CARHSP1: variants seen among roughly 807,000 people sequenced by gnomAD.
The protein encoded by CARHSP1 is calcium-regulated heat-stable protein 1.
In CARHSP1, 14 loss-of-function variants were observed where a neutral mutation model predicts 12.5. The ratio of observed to expected loss-of-function variants is 1.12; its 90% CI spans 0.74 to 1.75. CARHSP1 has a LOEUF of 1.75. Ranked by LOEUF, CARHSP1 falls within the 40% of genes most tolerant of loss-of-function variation. CARHSP1 has a pLI of 0.00. For missense variants in CARHSP1, 343 were observed against 201.6 expected (o/e 1.70, Z -4.25); for synonymous variants, 161 against 82.0 (o/e 1.96, Z -5.20).
chr16:8,860,186 G>A (rs1321875489), intron 1 of CARHSP1: 8 of 985,332 alleles, frequency 8.1e-6, no homozygotes, highest in Non-Finnish European at 8.4e-6. Flanking sequence ...CTGAGCAGCT[G>A]TCACAAGCCT....
chr16:8,862,017 T>TTA (rs869072327), intron 1 of CARHSP1, among the ~76,000 whole-genome samples: 3 of 122,352 alleles, frequency 2.5e-5, no homozygotes, highest in Non-Finnish European at 5.0e-5. Context: ...TTTTTTTTTT[T>TTA]AATTTGAGAT....
At position 8,855,598 on chromosome 16, in the gene CARHSP1, T is replaced by A. The variant is rs11647985; in HGVS notation, c.282-272A>T. ...AAAGAGTTCAGCCACCTGTGGGTGCTCACATGGTGACATGAAATGTGGGAG... is the reference window on the plus strand; with the variant it reads ...AAAGAGTTCAGCCACCTGTGGGTGCACACATGGTGACATGAAATGTGGGAG... On this transcript the variant is annotated intron_variant, in intron 3 of 3. Transcript: ENST00000311052. Among the ~76,000 whole-genome samples the A allele has an allele frequency of 0.42, 63,321 of 152,056 alleles. 13,971 individuals carry two copies. The highest frequency in any genetic ancestry group is 0.49 in the Non-Finnish European group (33,336 of 67,958).
intron 2 of CARHSP1, 151 bp from the exon 3 acceptor site, chr16:8,858,623 C>T (rs1488577227): frequency 2.1e-6 from 2 of 931,372 alleles, no homozygotes; most frequent in African/African-American, 3.3e-5. Flanking sequence ...AACCCTCAAC[C>T]CTGGGAGCCG....
In CARHSP1 at chr16:8,855,141, A is replaced by AC; in HGVS notation, c.*22dup. ...CTGCAAAGTCTCCCACAAGCACAGG[A>AC]CAAGGGGTGCTTCCACCATCTCCTA... On this transcript the variant is annotated 3_prime_UTR_variant, in exon 4 of 4. Transcript: ENST00000311052. 1 of 1,559,584 alleles carries AC rather than the reference A, an allele frequency of 6.4e-7. No individual in the cohort carries two copies. Among genetic ancestry groups the AC allele is most frequent in the African/African-American group, 1.4e-5 (1 of 73,364 alleles).
At chr16:8,863,185 T>C (rs1051607444) in intron 1 of CARHSP1, among the ~76,000 whole-genome samples, 1 of 139,490 alleles carries the variant, frequency 7.2e-6, no homozygotes, top group Non-Finnish European at 1.5e-5. Context: ...AGTGGCGCGA[T>C]CATGGCTCAC....
chr16:8,861,149 C>A (rs1352762873), intron 1 of CARHSP1, among the ~76,000 whole-genome samples: 1 of 142,648 alleles, frequency 7.0e-6, no homozygotes, highest in Non-Finnish European at 1.5e-5. Context: ...GCCTTGACCT[C>A]CATGCCTAAT....
intron 3 of CARHSP1, chr16:8,858,024 A>G: frequency 3.8e-6 from 1 of 263,880 alleles, no homozygotes; most frequent in Non-Finnish European, 7.4e-6. Flanking sequence ...CGGCCTCCCA[A>G]AGTGCTGGGA....
intron 3 of CARHSP1, among the ~76,000 whole-genome samples, chr16:8,856,698 G>GAGTC (rs2061123309): frequency 6.6e-6 from 1 of 152,192 alleles, no homozygotes; most frequent in Non-Finnish European, 1.5e-5. Context: ...TTCCGTGTTA[G>GAGTC]CGGGTATGCT....
Position 8,854,618 on chromosome 16 carries a change from C to G in CARHSP1, c.*546G>C, listed in dbSNP as rs1022260324. 1 of 152,850 alleles carries G rather than the reference C, an allele frequency of 6.5e-6. No individual in the cohort carries two copies. Among genetic ancestry groups the G allele is most frequent in the Admixed American group, 6.5e-5 (1 of 15,278 alleles). 9.5% of individuals were successfully genotyped at this position (152,850 alleles called of 1,614,324 possible). ...GACCGCCACCCCCGCCTTTCCCCAC[C>G]CACTTCAAGCCAGCTCCCCTAGAAC... On this transcript the variant is annotated 3_prime_UTR_variant, in exon 4 of 4. Coordinates refer to ENST00000311052, the MANE Select transcript of CARHSP1 (RefSeq NM_014316.4).
At position 8,855,139 on chromosome 16, in the gene CARHSP1, G is replaced by A. The variant is rs1267129486; in HGVS notation, c.*25C>T. ...CCCTGCAAAGTCTCCCACAAGCACAGGACAAGGGGTGCTTCCACCATCTCC... is the reference window on the plus strand; with the variant it reads ...CCCTGCAAAGTCTCCCACAAGCACAAGACAAGGGGTGCTTCCACCATCTCC... On this transcript the variant is annotated 3_prime_UTR_variant, in exon 4 of 4. Transcript: ENST00000311052. 1.9e-6 allele frequency: 3 copies of A among 1,554,496 alleles called. No individual in the cohort carries two copies. The highest frequency in any genetic ancestry group is 4.7e-5 in the East Asian group (2 of 42,224).
At chr16:8,866,519 C>G in intron 1 of CARHSP1, 1 of 971,808 alleles carries the variant, frequency 1.0e-6, no homozygotes, top group South Asian at 4.8e-5. Context: ...GGGAGAACTG[C>G]CGGCACGTGG....
chr16:8,866,616 G>A (rs930945064), intron 1 of CARHSP1: 2 of 201,778 alleles, frequency 9.9e-6, no homozygotes, highest in African/African-American at 2.4e-5. Flanking sequence ...GGTTGACGCA[G>A]CAGCGTCAGG....
At chr16:8,868,180 C>T (rs139348801) in intron 1 of CARHSP1, 2 of 152,770 alleles carry the variant, frequency 1.3e-5, no homozygotes, top group Non-Finnish European at 2.9e-5. Flanking sequence ...AGAGATTTCC[C>T]CACCTATTAA....
At chr16:8,865,563 G>A (rs1453343092) in intron 1 of CARHSP1, among the ~76,000 whole-genome samples, 1 of 152,222 alleles carries the variant, frequency 6.6e-6, no homozygotes, top group Non-Finnish European at 1.5e-5. Flanking sequence ...AGCCTTCCAT[G>A]GGATGCTGGC....
intron 3 of CARHSP1, among the ~76,000 whole-genome samples, chr16:8,857,279 T>TTTTTTTG (rs2061160092): frequency 5.0e-5 from 6 of 119,852 alleles, no homozygotes; most frequent in Admixed American, 8.2e-5. Context: ...TTTTTTTTTT[T>TTTTTTTG]TTTTTTTTTT....
At chr16:8,861,886 G>C (rs2061365631) in intron 1 of CARHSP1, 2 of 1,062,600 alleles carry the variant, frequency 1.9e-6, no homozygotes, top group Non-Finnish European at 2.4e-6. Context: ...CAGGACAGCA[G>C]ATGGGAGCAG....
Position 8,855,146 on chromosome 16 carries a change from G to A in CARHSP1, c.*18C>T. ...AAGTCTCCCACAAGCACAGGACAAG[G>A]GGTGCTTCCACCATCTCCTAGGAGC... On this transcript the variant is annotated 3_prime_UTR_variant, in exon 4 of 4. Transcript: ENST00000311052. 6.4e-7 allele frequency: 1 copy of A among 1,561,458 alleles called. No homozygotes were observed. Among genetic ancestry groups the A allele is most frequent in the Non-Finnish European group, 8.7e-7 (1 of 1,148,904 alleles).
intron 1 of CARHSP1, chr16:8,868,046 T>TA (rs1221548464): frequency 1.3e-5 from 2 of 152,340 alleles, no homozygotes; most frequent in East Asian, 3.9e-4. Context: ...AACAGTAGCT[T>TA]ACGTGTCTCC....
intron 1 of CARHSP1, chr16:8,860,380 C>G (rs1212538967): frequency 8.1e-6 from 8 of 985,312 alleles, no homozygotes; most frequent in Non-Finnish European, 9.6e-6. Flanking sequence ...GGCGGGAATT[C>G]CCTAGCTGCT....
Sources: gnomAD v4.1 joint callset for allele counts (sites outside exome capture counted in the v4.1 genomes callset) on GRCh38, gnomAD v4.1.1 for gene constraint, MANE v1.5 for transcripts, NCBI Gene and HGNC (gene_info 2026-07-23, HGNC 2026-07-21) for gene names.